FH: variants seen among roughly 807,000 people sequenced by gnomAD.
The protein encoded by FH is fumarate hydratase, also known as fumarate hydratase, mitochondrial.
A neutral mutation model predicts 49.4 loss-of-function variants in FH; 22 were observed. The observed-to-expected ratio is 0.45, with a 90% CI of 0.32 to 0.64. The LOEUF (loss-of-function observed/expected upper bound fraction) is 0.64, where lower values mean the gene tolerates loss of function less well. FH is among the 30% of genes least tolerant of loss of function. FH has a pLI of 0.05. For synonymous variants in FH, 208 were observed against 223.0 expected (o/e 0.93, Z 0.60); for missense variants, 526 against 641.5 (o/e 0.82, Z 1.95).
rs549451094 is a variant in FH, at chr1:241,519,374, C to G, written c.132+217G>C. 6.8e-4 allele frequency: 382 copies of G among 562,160 alleles called. No individual in the cohort carries two copies. In the African/African-American group the frequency reaches 7.0e-3, roughly 10 times the overall value. The allele number at this position is 562,160 out of a possible 1,614,324, so 34.8% of individuals were successfully genotyped here. A position where few individuals can be genotyped will look rare whatever the true frequency, so the allele number is the denominator to read the frequency against. The stretch of plus-strand genomic sequence containing the variant: ...ACCCTCTCTGACAGCCCCCGTCCCT[C>G]CCCAAGCGCTCTCCCGGGCTGCGGC... On this transcript the variant is annotated intron_variant, in intron 1 of 9. Transcript: ENST00000366560.
rs1433607345 is a variant in FH at position 241,502,562 on chromosome 1, T to G, written c.1117A>C (p.Asn373His). 6.2e-7 allele frequency: 1 copy of G among 1,614,152 alleles called. No homozygotes were observed. The stretch of plus-strand genomic sequence containing the variant: ...GTCATTGCTTCACACTGAGTAGGGT[T>G]CACCTTGCCTTCAAGAAAACCACCA... ...PGSSIMPGKV[N>H]PTQCEAMTMV... Residue 373 changes from asparagine to histidine, a missense_variant, in exon 8 of 10, where the codon AAC (asparagine) becomes CAC (histidine). By Grantham distance (68) the Asn-to-His change is moderately conservative (BLOSUM62 1). Coordinates refer to ENST00000366560, the MANE Select transcript of FH (RefSeq NM_000143.4).
chr1:241,518,065 A>C (rs1048589195), intron 1 of FH, among the ~76,000 whole-genome samples: 1 of 152,178 alleles, frequency 6.6e-6, no homozygotes, highest in African/African-American at 2.4e-5. Flanking sequence ...GGCACTCAAT[A>C]AACAGTATCT....
At chr1:241,505,556 C>T (rs1659906372) in intron 6 of FH, among the ~76,000 whole-genome samples, 1 of 151,992 alleles carries the variant, frequency 6.6e-6, no homozygotes, top group Admixed American at 6.6e-5. Flanking sequence ...AAGTATAATA[C>T]TCTCTCTACT....
At chr1:241,512,428 T>C (rs1660112358) in intron 3 of FH, among the ~76,000 whole-genome samples, 1 of 152,242 alleles carries the variant, frequency 6.6e-6, no homozygotes, top group Non-Finnish European at 1.5e-5. Flanking sequence ...TCTCTAGATA[T>C]ATTTGTTGCT....
rs1206696042 is a variant in FH, at chr1:241,519,642, G to A, written c.81C>T (p.Gly27=). ...ACGAGGGCACGGCCGCGCCACCCAA[G>A]CCGGGAGCCGAAGCTAAGGCTGCGG... The part of the protein sequence containing the change: ...APAAALASAP[G]LGGAAVPSFW... The change falls in exon 1 of 10, where the codon GGC becomes GGT. Residue 27 remains glycine (G), a synonymous_variant. Transcript: ENST00000366560. 1.3e-6 allele frequency: 2 copies of A among 1,547,816 alleles called. No homozygotes were observed. The highest frequency in any genetic ancestry group is 4.9e-5 in the East Asian group (2 of 40,904).
intron 1 of FH, chr1:241,519,331 G>C (rs1660304229): frequency 2.3e-6 from 1 of 431,958 alleles, no homozygotes; most frequent in African/African-American, 2.1e-5. Context: ...AGGAGGCGCC[G>C]GGAGCGGGCC....
chr1:241,513,855 A>G, intron 2 of FH, 142 bp from the exon 3 acceptor site: 1 of 670,360 alleles, frequency 1.5e-6, no homozygotes, highest in South Asian at 1.8e-5. Flanking sequence ...TCGGTTATAG[A>G]GAAAGATTAT....
intron 2 of FH, among the ~76,000 whole-genome samples, chr1:241,514,761 C>T (rs1024480920): frequency 6.6e-6 from 1 of 152,076 alleles, no homozygotes; most frequent in Non-Finnish European, 1.5e-5. Flanking sequence ...TTTTAAGTAA[C>T]TAAAATTAAA....
In FH at chr1:241,519,645, G is replaced by A. The variant is rs1029677665; in HGVS notation, c.78C>T (p.Pro26=). 9 of 1,548,004 alleles carry A rather than the reference G, an allele frequency of 5.8e-6. No individual in the cohort carries two copies. The highest frequency in any genetic ancestry group is 2.4e-5 in the East Asian group (1 of 40,890). Reference sequence around the variant, plus strand: ...AGGGCACGGCCGCGCCACCCAAGCCGGGAGCCGAAGCTAAGGCTGCGGCTG... The same window carrying A: ...AGGGCACGGCCGCGCCACCCAAGCCAGGAGCCGAAGCTAAGGCTGCGGCTG... ...RAPAAALASA[P]GLGGAAVPSF... is the part of the protein sequence containing the mutation. Residue 26 remains proline, a synonymous_variant, in exon 1 of 10, where the codon CCC becomes CCT. Coordinates refer to ENST00000366560, the MANE Select transcript of FH (RefSeq NM_000143.4).
At chr1:241,503,651 C>G (rs185473867) in intron 7 of FH, among the ~76,000 whole-genome samples, 2 of 152,224 alleles carry the variant, frequency 1.3e-5, no homozygotes, top group Admixed American at 1.3e-4. Flanking sequence ...GACTATCATG[C>G]GAATCTATCA....
intron 2 of FH, 141 bp from the exon 3 acceptor site, chr1:241,513,854 G>T: frequency 1.5e-6 from 1 of 671,602 alleles, no homozygotes. Flanking sequence ...TTCGGTTATA[G>T]AGAAAGATTA....
intron 6 of FH, among the ~76,000 whole-genome samples, chr1:241,505,246 T>C (rs577729945): frequency 1.7e-4 from 26 of 152,226 alleles, no homozygotes; most frequent in African/African-American, 5.8e-4. Context: ...TTGTCCACTT[T>C]ACTGTGCTTC....
At chr1:241,501,913 G>A (rs1659791387) in intron 8 of FH, among the ~76,000 whole-genome samples, 1 of 152,200 alleles carries the variant, frequency 6.6e-6, no homozygotes, top group Non-Finnish European at 1.5e-5. Context: ...ATGAAACGAA[G>A]TCTGACAGGG....
chr1:241,502,724 GT>G (rs1401284704), intron 7 of FH, among the ~76,000 whole-genome samples, 154 bp from the exon 8 acceptor site: 4 of 152,200 alleles, frequency 2.6e-5, no homozygotes, highest in Non-Finnish European at 5.9e-5. Context: ...ACCAAGGAAG[GT>G]GGGATGGGTA....
At chr1:241,504,625 A>G in intron 6 of FH, among the ~76,000 whole-genome samples, 1 of 152,078 alleles carries the variant, frequency 6.6e-6, no homozygotes, top group East Asian at 1.9e-4. Context: ...AATTTTTAGT[A>G]GAGATGGGGT....
chr1:241,505,893 A>G (rs1448225985), intron 6 of FH, 110 bp downstream of exon 6: 7 of 1,029,738 alleles, frequency 6.8e-6, no homozygotes, highest in Non-Finnish European at 1.1e-5. Context: ...ATGGAAAAAT[A>G]TCATTTCTAA....
At chr1:241,508,834 CA>C (rs1433703029) in intron 4 of FH, 49 bp from the exon 5 acceptor site, 1 of 1,507,806 alleles carries the variant, frequency 6.6e-7, no homozygotes, top group Non-Finnish European at 9.2e-7. Flanking sequence ...TCAGAGGCAA[CA>C]AAAACAAACT....
rs200343739 is a variant in FH at position 241,498,010 on chromosome 1, G to C, written c.1391-40C>G. 3.3e-4 allele frequency: 525 copies of C among 1,610,502 alleles called. No individual in the cohort carries two copies. The highest frequency in any genetic ancestry group is 4.1e-4 in the Non-Finnish European group (483 of 1,177,138). ...AAAAGACGACATATGGGTTAGCAGT[G>C]ATATTTGGTTTCCTAAAGCAAAAGG... On this transcript the variant is annotated intron_variant, in intron 9 of 9. Transcript: ENST00000366560.
intron 2 of FH, among the ~76,000 whole-genome samples, chr1:241,514,132 C>T (rs534730868): frequency 2.0e-5 from 3 of 152,192 alleles, no homozygotes; most frequent in South Asian, 2.1e-4. Context: ...CTGGATCCCA[C>T]GTTACATTAT....
Sources: gnomAD v4.1 joint callset for allele counts (sites outside exome capture counted in the v4.1 genomes callset) on GRCh38, gnomAD v4.1.1 for gene constraint, MANE v1.5 for transcripts, NCBI Gene and HGNC (gene_info 2026-07-23, HGNC 2026-07-21) for gene names.